Variants in MARCHF1 observed in about 807,000 individuals in gnomAD.
The protein encoded by MARCHF1 is membrane associated ring-CH-type finger 1.
Under a neutral mutation model 54.2 loss-of-function variants are expected in MARCHF1, and 40 were observed. The observed-to-expected ratio is 0.74, with a 90% CI of 0.57 to 0.96. MARCHF1 has a LOEUF of 0.96. Among genes scored for constraint, MARCHF1 ranks in the 40% least tolerant of loss-of-function variants. The pLI is 0.00. For synonymous variants in MARCHF1, 236 were observed against 236.3 expected, an observed-to-expected ratio of 1.00 and a Z score of 0.01; for missense variants, 586 against 656.5, an observed-to-expected ratio of 0.89 and a Z score of 1.17.
chr4:163,568,147 T>C (rs1739712721), intron 8 of MARCHF1, among the ~76,000 whole-genome samples: 1 of 152,146 alleles, frequency 6.6e-6, no homozygotes. Flanking sequence ...AATATAAGTG[T>C]ATGGCTACAT....
At chr4:163,719,178 C>T (rs1407484546) in intron 4 of MARCHF1, among the ~76,000 whole-genome samples, 1 of 149,142 alleles carries the variant, frequency 6.7e-6, no homozygotes, top group Non-Finnish European at 1.5e-5. Flanking sequence ...TTTCCCTCCC[C>T]CCTCCCCCAA....
intron 4 of MARCHF1, among the ~76,000 whole-genome samples, chr4:163,733,626 C>T (rs565473867): frequency 6.6e-6 from 1 of 151,732 alleles, no homozygotes; most frequent in Non-Finnish European, 1.5e-5. Flanking sequence ...CCACAACAGT[C>T]CCCGGAGTGT....
intron 4 of MARCHF1, among the ~76,000 whole-genome samples, chr4:163,798,020 T>C (rs1747967767): frequency 6.6e-6 from 1 of 152,180 alleles, no homozygotes; most frequent in Admixed American, 6.5e-5. Flanking sequence ...ACAGGATATG[T>C]GTTTGCACTT....
intron 5 of MARCHF1, among the ~76,000 whole-genome samples, chr4:163,660,974 T>A (rs1222791706): frequency 6.6e-6 from 1 of 152,056 alleles, no homozygotes; most frequent in Non-Finnish European, 1.5e-5. Flanking sequence ...AGGTATTATA[T>A]TTCTTTAGGT....
At chr4:163,848,357 T>C (rs1749545290) in intron 4 of MARCHF1, among the ~76,000 whole-genome samples, 1 of 152,176 alleles carries the variant, frequency 6.6e-6, no homozygotes, top group Admixed American at 6.5e-5. Flanking sequence ...GTTCTTTTTT[T>C]CTTTGTAACT....
intron 2 of MARCHF1, among the ~76,000 whole-genome samples, chr4:164,055,603 T>C (rs969104037): frequency 3.9e-5 from 6 of 152,194 alleles, no homozygotes; most frequent in African/African-American, 4.8e-5. Context: ...TAAATGCATA[T>C]TTATATCAAA....
At chr4:164,154,628 G>C (rs1439934545) in intron 1 of MARCHF1, among the ~76,000 whole-genome samples, 1 of 152,190 alleles carries the variant, frequency 6.6e-6, no homozygotes, top group Non-Finnish European at 1.5e-5. Context: ...GGAAATGAGG[G>C]GAGCTCTTTT....
chr4:164,007,360 A>G (rs1450764722), intron 2 of MARCHF1, among the ~76,000 whole-genome samples: 40 of 104,496 alleles, frequency 3.8e-4, no homozygotes, highest in South Asian at 6.8e-4. Flanking sequence ...AAAAAAAAAA[A>G]AAAAAAAAAA....
chr4:164,250,399 T>C (rs1470759567), intron 1 of MARCHF1, among the ~76,000 whole-genome samples: 1 of 152,000 alleles, frequency 6.6e-6, no homozygotes, highest in Non-Finnish European at 1.5e-5. Context: ...TAGAAGATGC[T>C]CTGAATGTGG....
At chr4:163,742,099 G>C (rs1047669502) in intron 4 of MARCHF1, among the ~76,000 whole-genome samples, 7 of 152,056 alleles carry the variant, frequency 4.6e-5, no homozygotes, top group Admixed American at 3.9e-4. Flanking sequence ...ATTGGGGGGT[G>C]TGTCTGCAAT....
intron 2 of MARCHF1, among the ~76,000 whole-genome samples, chr4:164,110,117 T>C: frequency 1.5e-5 from 1 of 68,334 alleles, no homozygotes; most frequent in African/African-American, 4.9e-5. Flanking sequence ...CCATTGGAAT[T>C]GGAGATACAC....
Position 164,346,642 on chromosome 4 carries a change from A to G in MARCHF1, c.-323+37228T>C, listed in dbSNP as rs867229139. The stretch of plus-strand genomic sequence containing the variant: ...TATATATATATATATATATATATAT[A>G]TATATATATATATATATATATATAT... On this transcript the variant is annotated intron_variant, in intron 1 of 9. Coordinates refer to ENST00000514618, the MANE Select transcript of MARCHF1 (RefSeq NM_001394959.1). Among the ~76,000 whole-genome samples the G allele has an allele frequency of 6.4e-3, 192 of 30,130 alleles. 3 individuals carry two copies. The highest frequency in any genetic ancestry group is 0.01 in the Non-Finnish European group (125 of 12,030). The allele number at this position is 30,130 out of a possible 152,430, so 19.8% of individuals were successfully genotyped here. A position where few individuals can be genotyped will look rare whatever the true frequency, so the allele number is the denominator to read the frequency against.
At chr4:164,139,838 C>A (rs1756484067) in intron 1 of MARCHF1, among the ~76,000 whole-genome samples, 1 of 152,046 alleles carries the variant, frequency 6.6e-6, no homozygotes, top group African/African-American at 2.4e-5. Flanking sequence ...CTGTTTATAT[C>A]ACGAACCATG....
rs116303784 is a variant in MARCHF1, at chr4:163,848,110, C to A, written c.111+5911G>T. Among the ~76,000 whole-genome samples, 826 of 152,256 alleles carry A rather than the reference C, an allele frequency of 5.4e-3. 9 individuals carry two copies. Among genetic ancestry groups the A allele is most frequent in the African/African-American group, 0.019 (788 of 41,552 alleles). On this transcript the variant is annotated intron_variant, in intron 4 of 9. Transcript: ENST00000514618. ...AATGAAATGATGGACATAAAGACTG[C>A]TTTGAAAAGTTGTATATGTCTGATT...
intron 1 of MARCHF1, among the ~76,000 whole-genome samples, chr4:164,305,097 C>T (rs2111406186): frequency 6.6e-6 from 1 of 152,228 alleles, no homozygotes; most frequent in East Asian, 1.9e-4. Flanking sequence ...CCTTTATTTA[C>T]TCATTGCAAA....
At chr4:164,336,624 T>C (rs1264651524) in intron 1 of MARCHF1, among the ~76,000 whole-genome samples, 1 of 152,192 alleles carries the variant, frequency 6.6e-6, no homozygotes, top group Non-Finnish European at 1.5e-5. Context: ...TAAATTTTCT[T>C]TAAGAATAAA....
chr4:163,787,191 T>C (rs1747646238), intron 4 of MARCHF1, among the ~76,000 whole-genome samples: 1 of 151,692 alleles, frequency 6.6e-6, no homozygotes, highest in African/African-American at 2.4e-5. Flanking sequence ...GAATATAACA[T>C]TGAAGCAAAG....
intron 4 of MARCHF1, among the ~76,000 whole-genome samples, chr4:163,788,864 A>G (rs1322393521): frequency 2.6e-5 from 4 of 152,054 alleles, no homozygotes; most frequent in Middle Eastern, 3.2e-3. Flanking sequence ...CAGCAATCTC[A>G]ACAAATTGGT....
At chr4:163,693,151 A>C (rs1316566085) in intron 5 of MARCHF1, among the ~76,000 whole-genome samples, 1 of 151,368 alleles carries the variant, frequency 6.6e-6, no homozygotes, top group Non-Finnish European at 1.5e-5. Context: ...AGGAAGGGCC[A>C]ATAATCTGAA....
Sources: gnomAD v4.1 joint callset for allele counts (sites outside exome capture counted in the v4.1 genomes callset) on GRCh38, gnomAD v4.1.1 for gene constraint, MANE v1.5 for transcripts, NCBI Gene and HGNC (gene_info 2026-07-23, HGNC 2026-07-21) for gene names.